The following FOXP2 variants were observed in gnomAD, a reference collection of about 807,000 sequenced individuals.
FOXP2 encodes the protein forkhead box P2, also known as forkhead box protein P2.
FOXP2 carries 12 observed loss-of-function variants against 115.8 expected under a neutral mutation model. The observed-to-expected ratio is 0.10, with a 90% CI of 0.07 to 0.17. The LOEUF (loss-of-function observed/expected upper bound fraction) is 0.17, where lower values mean the gene tolerates loss of function less well. Among genes scored for constraint, FOXP2 ranks in the 10% least tolerant of loss-of-function variants. FOXP2 has a pLI of 1.00. For synonymous variants in FOXP2, 328 were observed against 297.7 expected, an observed-to-expected ratio of 1.10 and a Z score of -1.05; for missense variants, 629 against 843.5, an observed-to-expected ratio of 0.75 and a Z score of 3.15.
chr7:114,501,919 G>C (rs1797580231), intron 2 of FOXP2, among the ~76,000 whole-genome samples: 1 of 151,922 alleles, frequency 6.6e-6, no homozygotes, highest in African/African-American at 2.4e-5. Flanking sequence ...GTAGATAAAT[G>C]TTTAATATTA....
Position 114,644,572 on chromosome 7 carries a change from T to C in FOXP2, c.990-113T>C, listed in dbSNP as rs193095218. ...TTAAATTTTTCTGACTGCTCTGAGC[T>C]GAATTGACCTGTTTTGACCTGTTTG... On this transcript the variant is annotated intron_variant, in intron 7 of 16. Transcript: ENST00000350908. 4.5e-5 allele frequency: 37 copies of C among 817,826 alleles called. No individual in the cohort carries two copies. In the South Asian group the frequency reaches 4.6e-4, roughly 10 times the overall value. The allele number at this position is 817,826 out of a possible 1,614,324, so 50.7% of individuals were successfully genotyped here. A position where few individuals can be genotyped will look rare whatever the true frequency, so the allele number is the denominator to read the frequency against.
intron 2 of FOXP2, among the ~76,000 whole-genome samples, chr7:114,369,992 GAA>G (rs569004878): frequency 3.1e-4 from 47 of 152,200 alleles, no homozygotes; most frequent in African/African-American, 1.1e-3. Context: ...TGAGAGTAAA[GAA>G]AAAGTGTTCA....
intron 2 of FOXP2, among the ~76,000 whole-genome samples, chr7:114,492,627 G>A (rs1033824938): frequency 3.3e-5 from 5 of 152,090 alleles, no homozygotes; most frequent in Non-Finnish European, 5.9e-5. Flanking sequence ...GTTCTCGTTG[G>A]TGTCAAAGAA....
intron 2 of FOXP2, among the ~76,000 whole-genome samples, chr7:114,490,496 T>C (rs1417707523): frequency 6.6e-6 from 1 of 152,032 alleles, no homozygotes; most frequent in Non-Finnish European, 1.5e-5. Context: ...TAATGGTGGA[T>C]GCATGTCATT....
intron 1 of FOXP2, among the ~76,000 whole-genome samples, chr7:114,197,117 G>A (rs1793932418): frequency 6.6e-6 from 1 of 152,134 alleles, no homozygotes; most frequent in Non-Finnish European, 1.5e-5. Context: ...AGGATTGCTT[G>A]AGCCTGGGAG....
chr7:114,145,648 G>A (rs1451531817), intron 1 of FOXP2, among the ~76,000 whole-genome samples: 3 of 151,620 alleles, frequency 2.0e-5, no homozygotes, highest in Admixed American at 6.6e-5. Context: ...CACAACTATA[G>A]CTTTGCCATT....
intron 1 of FOXP2, among the ~76,000 whole-genome samples, chr7:114,116,131 G>C (rs1000036319): frequency 2.6e-5 from 4 of 152,176 alleles, no homozygotes; most frequent in African/African-American, 9.6e-5. Context: ...AGTGTGAGCA[G>C]TTAACAAGTG....
chr7:114,415,676 C>G (rs1793307707), intron 1 of FOXP2, among the ~76,000 whole-genome samples: 1 of 151,902 alleles, frequency 6.6e-6, no homozygotes, highest in African/African-American at 2.4e-5. Flanking sequence ...AGGGTTCCTG[C>G]TTTCATGGTT....
At chr7:114,458,241 G>T (rs1584760069) in intron 2 of FOXP2, among the ~76,000 whole-genome samples, 1 of 152,158 alleles carries the variant, frequency 6.6e-6, no homozygotes. Context: ...TATTAAATAG[G>T]TATAGTTATA....
chr7:114,551,560 CT>C (rs1800208740), intron 3 of FOXP2, among the ~76,000 whole-genome samples: 1 of 151,950 alleles, frequency 6.6e-6, no homozygotes, highest in African/African-American at 2.4e-5. Context: ...TTCTTTAAAA[CT>C]TATTTAGGTC....
chr7:114,607,236 C>G (rs894343376), intron 3 of FOXP2, among the ~76,000 whole-genome samples: 8 of 152,128 alleles, frequency 5.3e-5, no homozygotes, highest in African/African-American at 1.9e-4. Flanking sequence ...TCCACCAAAC[C>G]TGTCTGTTGG....
intron 2 of FOXP2, among the ~76,000 whole-genome samples, chr7:114,490,765 T>C (rs955781282): frequency 6.6e-6 from 1 of 152,152 alleles, no homozygotes; most frequent in Non-Finnish European, 1.5e-5. Flanking sequence ...GTTTGGTTTT[T>C]TGTCCTTGTG....
chr7:114,346,235 C>A (rs1001675151), intron 2 of FOXP2, among the ~76,000 whole-genome samples: 1 of 151,396 alleles, frequency 6.6e-6, no homozygotes, highest in Admixed American at 6.6e-5. Context: ...TAGAATAATC[C>A]TGTTATTTTG....
intron 1 of FOXP2, among the ~76,000 whole-genome samples, chr7:114,170,361 A>T (rs1244840131): frequency 6.6e-6 from 1 of 152,184 alleles, no homozygotes; most frequent in African/African-American, 2.4e-5. Flanking sequence ...ACGATGTTGA[A>T]ATTGGCCAAG....
intron 2 of FOXP2, among the ~76,000 whole-genome samples, chr7:114,351,100 G>T (rs967702891): frequency 6.6e-6 from 1 of 152,094 alleles, no homozygotes. Context: ...AATATTTTCT[G>T]TCCACGGTTT....
chr7:114,302,860 T>G (rs1447731806), intron 2 of FOXP2, among the ~76,000 whole-genome samples: 1 of 151,812 alleles, frequency 6.6e-6, no homozygotes, highest in Non-Finnish European at 1.5e-5. Flanking sequence ...CTCTCAGGAG[T>G]TGAAAGGAGC....
chr7:114,406,071 TAGAA>T (rs1793029475), intron 2 of FOXP2, among the ~76,000 whole-genome samples: 2 of 150,278 alleles, frequency 1.3e-5, no homozygotes, highest in Non-Finnish European at 3.0e-5. Context: ...CATTTATTCA[TAGAA>T]AGAAGTATGA....
intron 2 of FOXP2, among the ~76,000 whole-genome samples, chr7:114,501,386 T>G (rs1381473823): frequency 6.6e-6 from 1 of 152,194 alleles, no homozygotes; most frequent in Non-Finnish European, 1.5e-5. Flanking sequence ...ACATCATTTC[T>G]TAATCAAAAT....
intron 2 of FOXP2, among the ~76,000 whole-genome samples, chr7:114,503,596 T>A (rs9649368): frequency 0.46 from 68,631 of 150,344 alleles, 15,815 homozygotes; most frequent in Admixed American, 0.52. Context: ...TAATTTATTT[T>A]GTTGGAATTA....
Sources: gnomAD v4.1 joint callset for allele counts (sites outside exome capture counted in the v4.1 genomes callset) on GRCh38, gnomAD v4.1.1 for gene constraint, MANE v1.5 for transcripts, NCBI Gene and HGNC (gene_info 2026-07-23, HGNC 2026-07-21) for gene names.